The following COX7B2 variants were observed in gnomAD, a reference collection of about 807,000 sequenced individuals.
COX7B2 encodes the protein cytochrome c oxidase subunit 7B2, mitochondrial.
For synonymous variants in COX7B2, 37 were observed against 32.1 expected, an observed-to-expected ratio of 1.15 and a Z score of -0.51; for missense variants, 109 against 95.9, an observed-to-expected ratio of 1.14 and a Z score of -0.57.
chr4:46,883,507 G>C (rs1043780253), intron 1 of COX7B2, among the ~76,000 whole-genome samples: 1 of 152,066 alleles, frequency 6.6e-6, no homozygotes, highest in Non-Finnish European at 1.5e-5. Context: ...AGTCCAAGGC[G>C]AGTGGATCGC....
At chr4:46,803,723 G>A (rs1163884701) in intron 2 of COX7B2, among the ~76,000 whole-genome samples, 2 of 139,866 alleles carry the variant, frequency 1.4e-5, no homozygotes, top group African/African-American at 5.3e-5. Flanking sequence ...ATTAAGCCTG[G>A]TTTACTTTCT....
At chr4:46,851,706 G>T (rs561837904) in intron 1 of COX7B2, among the ~76,000 whole-genome samples, 2 of 151,954 alleles carry the variant, frequency 1.3e-5, no homozygotes, top group African/African-American at 4.8e-5. Flanking sequence ...TTTCTTTAAT[G>T]ACCTAGATAC....
At chr4:46,867,100 A>G (rs909034650) in intron 1 of COX7B2, among the ~76,000 whole-genome samples, 1 of 152,190 alleles carries the variant, frequency 6.6e-6, no homozygotes, top group Admixed American at 6.5e-5. Flanking sequence ...AATTCCATTT[A>G]AAGACAATGT....
intron 2 of COX7B2, among the ~76,000 whole-genome samples, chr4:46,807,414 G>A (rs1002987684): frequency 6.6e-6 from 1 of 151,942 alleles, no homozygotes; most frequent in Non-Finnish European, 1.5e-5. Flanking sequence ...AACATTAAAC[G>A]CTTATCAGAT....
chr4:46,743,848 A>T (rs1428768368), intron 2 of COX7B2, among the ~76,000 whole-genome samples: 1 of 152,200 alleles, frequency 6.6e-6, no homozygotes, highest in Non-Finnish European at 1.5e-5. Context: ...TGTGTTCTCA[A>T]TATTGTTACA....
chr4:46,905,673 A>G lies in COX7B2; in HGVS notation c.-105+3487T>C, dbSNP rs867533505. Among the ~76,000 whole-genome samples, 7 of 152,258 alleles carry G rather than the reference A, an allele frequency of 4.6e-5. No homozygotes were observed. In the Middle Eastern group the frequency reaches 0.01, roughly 222 times the overall value. ...AGTTCACCAGGTTTTAATTAAGTAT[A>G]AAATTTTCCCTCTACAATATGTTTT... On this transcript the variant is annotated intron_variant, in intron 1 of 2. Transcript: ENST00000355591.
At chr4:46,859,688 C>G (rs762544598) in intron 1 of COX7B2, among the ~76,000 whole-genome samples, 1 of 152,106 alleles carries the variant, frequency 6.6e-6, no homozygotes, top group Admixed American at 6.5e-5. Flanking sequence ...CCATCCAGAA[C>G]CAGCAAATGG....
At chr4:46,906,737 C>A (rs1394526887) in intron 1 of COX7B2, among the ~76,000 whole-genome samples, 1 of 152,162 alleles carries the variant, frequency 6.6e-6, no homozygotes, top group Non-Finnish European at 1.5e-5. Flanking sequence ...CATTCAAACA[C>A]ATATTTTCCC....
intron 2 of COX7B2, among the ~76,000 whole-genome samples, chr4:46,831,330 C>A (rs1340089742): frequency 6.6e-6 from 1 of 152,154 alleles, no homozygotes; most frequent in African/African-American, 2.4e-5. Context: ...CCCAACCTCC[C>A]ACCCCGCCAT....
chr4:46,901,704 G>T (rs1228466448), intron 1 of COX7B2, among the ~76,000 whole-genome samples: 1 of 152,188 alleles, frequency 6.6e-6, no homozygotes, highest in Non-Finnish European at 1.5e-5. Context: ...TCTATTGGGG[G>T]TCCAACAGAA....
intron 2 of COX7B2, among the ~76,000 whole-genome samples, chr4:46,766,358 A>T (rs1716535058): frequency 6.6e-6 from 1 of 152,148 alleles, no homozygotes; most frequent in Non-Finnish European, 1.5e-5. Flanking sequence ...CCACAATATC[A>T]AAAGGTGTAC....
chr4:46,906,770 G>A (rs1481083346), intron 1 of COX7B2, among the ~76,000 whole-genome samples: 1 of 152,080 alleles, frequency 6.6e-6, no homozygotes, highest in Non-Finnish European at 1.5e-5. Flanking sequence ...GAGACAAATA[G>A]TTCCATGCAG....
intron 2 of COX7B2, among the ~76,000 whole-genome samples, chr4:46,735,634 C>T (rs568643007): frequency 2.6e-5 from 4 of 152,074 alleles, no homozygotes; most frequent in Non-Finnish European, 5.9e-5. Flanking sequence ...TTTCTCCCTC[C>T]TGCTTAACCC....
intron 1 of COX7B2, among the ~76,000 whole-genome samples, chr4:46,850,316 GCCT>G (rs1716591310): frequency 6.6e-6 from 1 of 151,658 alleles, no homozygotes; most frequent in Admixed American, 6.6e-5. Context: ...TAAGATACAA[GCCT>G]CCTCCTAGGA....
At chr4:46,826,410 C>T (rs192317105) in intron 2 of COX7B2, among the ~76,000 whole-genome samples, 4 of 152,156 alleles carry the variant, frequency 2.6e-5, no homozygotes, top group Non-Finnish European at 4.4e-5. Context: ...AATGCTTATA[C>T]GCTGTTGGTG....
At position 46,868,301 on chromosome 4, in the gene COX7B2, T is replaced by C. The variant is rs1717791611; in HGVS notation, c.-104-23287A>G. On this transcript the variant is annotated intron_variant, in intron 1 of 2. Transcript: ENST00000355591. ...TTATTCTAGCTAGTGGCCTATCCTATTATTTCTTTCAAAAAACCAACTCCT... is the reference window on the plus strand; with the variant it reads ...TTATTCTAGCTAGTGGCCTATCCTACTATTTCTTTCAAAAAACCAACTCCT... Among the ~76,000 whole-genome samples, 3 of 152,110 alleles carry C rather than the reference T, an allele frequency of 2.0e-5. No homozygotes were observed. In the South Asian group the frequency reaches 6.2e-4, roughly 32 times the overall value.
chr4:46,736,624 T>G (rs1714379063), intron 2 of COX7B2, among the ~76,000 whole-genome samples: 1 of 152,176 alleles, frequency 6.6e-6, no homozygotes, highest in Non-Finnish European at 1.5e-5. Context: ...CATCTTTCTG[T>G]TTTGACTTAC....
At chr4:46,908,704 C>A (rs1720553054) in intron 1 of COX7B2, among the ~76,000 whole-genome samples, 1 of 138,738 alleles carries the variant, frequency 7.2e-6, no homozygotes, top group Non-Finnish European at 1.6e-5. Context: ...CTTTCCATTC[C>A]CTCTGGGAGA....
chr4:46,896,376 G>C (rs1719762982), intron 1 of COX7B2, among the ~76,000 whole-genome samples: 1 of 152,130 alleles, frequency 6.6e-6, no homozygotes, highest in Non-Finnish European at 1.5e-5. Context: ...GATGTACCCA[G>C]TGACAATTTT....
Sources: allele counts gnomAD v4.1 joint callset (sites outside exome capture counted in the v4.1 genomes callset), GRCh38; gene constraint gnomAD v4.1.1; transcripts MANE v1.5; gene names NCBI Gene and HGNC (gene_info 2026-07-23, HGNC 2026-07-21).